The following PRKN variants were observed in gnomAD, a reference collection of about 807,000 sequenced individuals.
The protein encoded by PRKN is E3 ubiquitin-protein ligase parkin.
Under a neutral mutation model 59.5 loss-of-function variants are expected in PRKN, and 56 were observed. The observed-to-expected ratio is 0.94, with a 90% CI of 0.76 to 1.18. PRKN has a LOEUF of 1.18. Among genes scored for constraint, PRKN ranks in the 50% most tolerant of loss-of-function variants. PRKN has a pLI of 0.00. For missense variants in PRKN, 657 were observed against 596.4 expected, an observed-to-expected ratio of 1.10 and a Z score of -1.06; for synonymous variants, 250 against 222.1, an observed-to-expected ratio of 1.13 and a Z score of -1.12.
intron 4 of PRKN, among the ~76,000 whole-genome samples, chr6:162,175,822 T>C (rs1213922933): frequency 6.6e-6 from 1 of 152,158 alleles, no homozygotes; most frequent in East Asian, 1.9e-4. Context: ...GCAAATGTCC[T>C]GCAGTCTAAG....
At chr6:161,844,406 G>T (rs912902256) in intron 6 of PRKN, among the ~76,000 whole-genome samples, 2 of 152,170 alleles carry the variant, frequency 1.3e-5, no homozygotes, top group Non-Finnish European at 2.9e-5. Context: ...TGAACCCTGT[G>T]GTCGGGTTTT....
At chr6:162,026,293 G>A (rs980629685) in intron 5 of PRKN, among the ~76,000 whole-genome samples, 4 of 152,202 alleles carry the variant, frequency 2.6e-5, no homozygotes, top group African/African-American at 4.8e-5. Flanking sequence ...GGAGGCACAC[G>A]TGTGATGCCT....
At chr6:161,580,703 T>C (rs1781305658) in intron 7 of PRKN, among the ~76,000 whole-genome samples, 1 of 151,826 alleles carries the variant, frequency 6.6e-6, no homozygotes, top group Non-Finnish European at 1.5e-5. Context: ...TGGTCTAAAT[T>C]TCTTGATCTC....
intron 5 of PRKN, among the ~76,000 whole-genome samples, chr6:162,034,533 TATAAAAATTAC>T (rs891498137): frequency 1.4e-5 from 2 of 145,360 alleles, no homozygotes; most frequent in Non-Finnish European, 3.0e-5. Flanking sequence ...AAGTTTCACT[TATAAAAATTAC>T]ACAAAACTTG....
intron 4 of PRKN, among the ~76,000 whole-genome samples, chr6:162,063,772 T>C (rs1778205927): frequency 6.6e-6 from 1 of 152,216 alleles, no homozygotes; most frequent in African/African-American, 2.4e-5. Context: ...CTGCAACTCC[T>C]GACCTCAAAA....
intron 2 of PRKN, among the ~76,000 whole-genome samples, chr6:162,322,006 G>T (rs1032652798): frequency 7.2e-5 from 11 of 151,784 alleles, no homozygotes; most frequent in African/African-American, 2.4e-4. Flanking sequence ...AGTGCAATAA[G>T]TCAAGAAAAA....
chr6:162,139,326 T>G (rs964598650), intron 4 of PRKN, among the ~76,000 whole-genome samples: 2 of 152,126 alleles, frequency 1.3e-5, no homozygotes, highest in Non-Finnish European at 2.9e-5. Flanking sequence ...TGGGTGAAAA[T>G]TTTTAGAATA....
intron 4 of PRKN, among the ~76,000 whole-genome samples, chr6:162,132,984 G>A (rs1233895393): frequency 6.6e-6 from 1 of 152,178 alleles, no homozygotes; most frequent in Admixed American, 6.5e-5. Context: ...CAGCACCGTG[G>A]CCATTGTCGG....
rs150961123 is a variant in PRKN, at chr6:161,768,397, G to A, written c.871+17375C>T. 1.3e-4 allele frequency among the ~76,000 whole-genome samples: 20 copies of A among 152,244 alleles called. No homozygotes were observed. The East Asian group carries it at 2.5e-3, about 19-fold the overall frequency. On this transcript the variant is annotated intron_variant, in intron 7 of 11. Coordinates refer to ENST00000366898, the MANE Select transcript of PRKN (RefSeq NM_004562.3). ...ATCTCTTTCCATAGGTAGCAGCAAC[G>A]TAACTTTGAAATCCACTGGCCTAGA...
chr6:162,085,298 GATT>G (rs1437848028), intron 4 of PRKN, among the ~76,000 whole-genome samples: 1 of 151,684 alleles, frequency 6.6e-6, no homozygotes, highest in Non-Finnish European at 1.5e-5. Flanking sequence ...TTAAAAGTAT[GATT>G]ATATTATGGA....
Position 161,386,662 on chromosome 6 carries a change from T to A in PRKN, c.1167+132A>T. On this transcript the variant is annotated intron_variant, in intron 10 of 11. Coordinates refer to ENST00000366898, the MANE Select transcript of PRKN (RefSeq NM_004562.3). The surrounding 1 kb of genome is among the most constrained non-coding windows in gnomAD (Gnocchi z 4.3). ...ATTCTGGGAGAAGCCACGGCCCCAT[T>A]CCCATGGCTGTCAGCTACCAGTCTG... 1.3e-6 allele frequency: 1 copy of A among 780,230 alleles called. No homozygotes were observed. Among genetic ancestry groups the A allele is most frequent in the Non-Finnish European group, 2.3e-6 (1 of 436,706 alleles). 48.3% of individuals were successfully genotyped at this position (780,230 alleles called of 1,614,324 possible).
Position 161,902,556 on chromosome 6 carries a change from A to ATCTTTTTTT in PRKN, c.734+70745_734+70746insAAAAAAAGA, listed in dbSNP as rs1382089937. Among the ~76,000 whole-genome samples the ATCTTTTTTT allele has an allele frequency of 2.0e-4, 24 of 118,168 alleles. 1 individual carries two copies. The highest frequency in any genetic ancestry group is 3.5e-4 in the African/African-American group (10 of 28,538). The allele number at this position is 118,168 out of a possible 152,430, so 77.5% of individuals were successfully genotyped here. ...TATCTATCTATCTATCTATTTATTT[A>ATCTTTTTTT]TTTATTTATTTTTTTTTTTTTGCGA... On this transcript the variant is annotated intron_variant, in intron 6 of 11. Coordinates refer to ENST00000366898, the MANE Select transcript of PRKN (RefSeq NM_004562.3).
At chr6:162,308,587 C>T (rs1337748250) in intron 2 of PRKN, among the ~76,000 whole-genome samples, 1 of 152,058 alleles carries the variant, frequency 6.6e-6, no homozygotes, top group Non-Finnish European at 1.5e-5. Context: ...CTATTTTCTC[C>T]CAATAAACTA....
At chr6:162,715,253 A>C (rs1778678983) in intron 1 of PRKN, among the ~76,000 whole-genome samples, 1 of 152,208 alleles carries the variant, frequency 6.6e-6, no homozygotes, top group Admixed American at 6.5e-5. Flanking sequence ...AAGAAGACAA[A>C]CCGGAGGCAA....
intron 5 of PRKN, among the ~76,000 whole-genome samples, chr6:162,031,920 C>A (rs1041905378): frequency 2.0e-5 from 3 of 152,096 alleles, no homozygotes; most frequent in Non-Finnish European, 2.9e-5. Flanking sequence ...AATTCAGAAC[C>A]CAGTTAGCTG....
At chr6:162,280,668 G>A (rs573871416) in intron 2 of PRKN, among the ~76,000 whole-genome samples, 2 of 151,922 alleles carry the variant, frequency 1.3e-5, no homozygotes, top group South Asian at 4.2e-4. Flanking sequence ...GCGTGTGCCT[G>A]TAATTCCAGC....
intron 7 of PRKN, among the ~76,000 whole-genome samples, chr6:161,754,812 T>G (rs554962075): frequency 6.6e-6 from 1 of 152,350 alleles, no homozygotes; most frequent in African/African-American, 2.4e-5. Context: ...TAAACAAAAA[T>G]GCAACTGTCG....
At chr6:161,918,477 C>T (rs1778659382) in intron 6 of PRKN, among the ~76,000 whole-genome samples, 2 of 152,154 alleles carry the variant, frequency 1.3e-5, no homozygotes, top group East Asian at 3.8e-4. Context: ...CAAATATATA[C>T]AATGAAACAG....
intron 1 of PRKN, among the ~76,000 whole-genome samples, chr6:162,638,830 T>C (rs974490752): frequency 7.5e-5 from 11 of 146,462 alleles, no homozygotes; most frequent in South Asian, 2.2e-4. Context: ...CTGCAACCTC[T>C]GCCTCCCGGG....
Sources: gnomAD v4.1 joint callset for allele counts (sites outside exome capture counted in the v4.1 genomes callset) on GRCh38, gnomAD v4.1.1 for gene constraint, Gnocchi (gnomAD v3.1) non-coding constraint, MANE v1.5 for transcripts, NCBI Gene and HGNC (gene_info 2026-07-23, HGNC 2026-07-21) for gene names.